Variants in PIK3C2G observed in about 807,000 individuals in gnomAD.
PIK3C2G encodes phosphatidylinositol 3-kinase C2 domain-containing subunit gamma.
PIK3C2G carries 168 observed loss-of-function variants against 181.1 expected under a neutral mutation model. That is an observed-to-expected ratio of 0.93 (90% CI 0.82 to 1.05). PIK3C2G has a LOEUF of 1.05. Among genes scored for constraint, PIK3C2G ranks in the 50% least tolerant of loss-of-function variants. The pLI, the probability that PIK3C2G is intolerant of heterozygous loss-of-function variation, is 0.00. For synonymous variants in PIK3C2G, 573 were observed against 592.2 expected (o/e 0.97, Z 0.47); for missense variants, 1,869 against 1,732.8 (o/e 1.08, Z -1.40).
At chr12:18,408,448 C>A (rs1944663888) in intron 16 of PIK3C2G, among the ~76,000 whole-genome samples, 3 of 152,130 alleles carry the variant, frequency 2.0e-5, no homozygotes, top group Non-Finnish European at 4.4e-5. Context: ...CAGTACCATG[C>A]TGTTTTTATT....
At position 18,540,679 on chromosome 12, in the gene PIK3C2G, CA is replaced by C. The variant is rs974913331; in HGVS notation, c.3480+2374del. 5.9e-5 allele frequency among the ~76,000 whole-genome samples: 9 copies of C among 151,590 alleles called. No individual in the cohort carries two copies. In the East Asian group the frequency reaches 7.8e-4, roughly 13 times the overall value. ...GAAAATTTCTGGAATATAGTATATC[CA>C]AAAAAACTTCTATGCTCTAATTATT... is the stretch of plus-strand genomic sequence containing the variant. On this transcript the variant is annotated intron_variant, in intron 25 of 32. Transcript: ENST00000538779.
At chr12:18,334,829 G>A (rs763991994) in intron 8 of PIK3C2G, among the ~76,000 whole-genome samples, 4 of 151,906 alleles carry the variant, frequency 2.6e-5, no homozygotes, top group Admixed American at 6.6e-5. Context: ...TATTCCCCTC[G>A]TACTCTGGTG....
the PIK3C2G span, among the ~76,000 whole-genome samples, chr12:18,718,199 C>A: frequency 6.6e-6 from 1 of 152,048 alleles, no homozygotes; most frequent in Non-Finnish European, 1.5e-5. Flanking sequence ...TGGGATGTAA[C>A]CACATTGTAA....
chr12:18,650,401 ATTTT>A (rs63132060), downstream of PIK3C2G, among the ~76,000 whole-genome samples: 23,843 of 136,464 alleles, frequency 0.17, 2,563 homozygotes, highest in African/African-American at 0.3. Context: ...ATACACACAC[ATTTT>A]TTTTTTAAGA....
chr12:18,310,062 A>G (rs1950576679), intron 5 of PIK3C2G, among the ~76,000 whole-genome samples: 1 of 151,924 alleles, frequency 6.6e-6, no homozygotes, highest in South Asian at 2.1e-4. Flanking sequence ...AATTTTTAAA[A>G]GATAATTAAT....
At chr12:18,473,144 G>C (rs74381065) in intron 18 of PIK3C2G, among the ~76,000 whole-genome samples, 3,956 of 152,158 alleles carry the variant, frequency 0.026, 188 homozygotes, top group African/African-American at 0.091. Context: ...TTTATCCTGG[G>C]GGTGCATGTT....
In PIK3C2G at chr12:18,503,257, T is replaced by C. The variant is rs774671644; in HGVS notation, c.3017-24T>C. 7.0e-6 allele frequency: 11 copies of C among 1,573,862 alleles called. No homozygotes were observed. The South Asian group carries it at 9.5e-5, about 14-fold the overall frequency. On this transcript the variant is annotated intron_variant, in intron 22 of 32. Coordinates refer to ENST00000538779, the MANE Select transcript of PIK3C2G (RefSeq NM_001288772.2). ...CATCTTGTGATGAAGGAATTGTCTC[T>C]GTAATCTTTTTTTTCTCTACCAGGA...
intron 13 of PIK3C2G, among the ~76,000 whole-genome samples, chr12:18,378,314 T>TCCCCC (rs780076946): frequency 6.9e-6 from 1 of 144,022 alleles, no homozygotes; most frequent in African/African-American, 2.6e-5. Flanking sequence ...CCTCATGAGT[T>TCCCCC]CCCCCCCCCG....
the PIK3C2G span, among the ~76,000 whole-genome samples, chr12:18,702,659 A>C: frequency 0.049 from 7,481 of 152,158 alleles, 629 homozygotes; most frequent in African/African-American, 0.17. Flanking sequence ...TGTATCAAGA[A>C]TATTATCAGA....
chr12:18,342,411 A>G (rs1939228223), intron 9 of PIK3C2G, among the ~76,000 whole-genome samples: 1 of 152,050 alleles, frequency 6.6e-6, no homozygotes, highest in Non-Finnish European at 1.5e-5. Context: ...TTACGGAAAA[A>G]CAATTATTCT....
chr12:18,647,126 C>T (rs1950180321), intron 32 of PIK3C2G, among the ~76,000 whole-genome samples: 1 of 151,324 alleles, frequency 6.6e-6, no homozygotes, highest in South Asian at 2.1e-4. Context: ...CATGTATTTT[C>T]ATAATTAAAA....
chr12:18,550,169 T>C (rs577354825), intron 26 of PIK3C2G, among the ~76,000 whole-genome samples: 1 of 152,172 alleles, frequency 6.6e-6, no homozygotes, highest in Admixed American at 6.6e-5. Context: ...ATGAACAATC[T>C]CTTACAGAGG....
chr12:18,625,757 CT>C (rs1949069329), intron 31 of PIK3C2G, among the ~76,000 whole-genome samples: 2 of 151,928 alleles, frequency 1.3e-5, no homozygotes, highest in East Asian at 3.9e-4. Context: ...GAATTGACCC[CT>C]TTACCATTAT....
chr12:18,479,340 G>A (rs917628338), intron 18 of PIK3C2G, among the ~76,000 whole-genome samples: 4 of 152,108 alleles, frequency 2.6e-5, no homozygotes, highest in Non-Finnish European at 4.4e-5. Flanking sequence ...TGGTATCCAT[G>A]TTAAGACATC....
chr12:18,302,490 G>A (rs1437501113), intron 5 of PIK3C2G, among the ~76,000 whole-genome samples: 1 of 152,164 alleles, frequency 6.6e-6, no homozygotes, highest in Non-Finnish European at 1.5e-5. Flanking sequence ...TGGGTGGGCA[G>A]GGCGATCCTC....
At chr12:18,526,143 C>CA (rs555543028) in intron 24 of PIK3C2G, among the ~76,000 whole-genome samples, 181 of 152,114 alleles carry the variant, frequency 1.2e-3, no homozygotes, top group African/African-American at 4.0e-3. Context: ...TATCTTTTAA[C>CA]AAAAAAACTC....
chr12:18,654,263 T>A, the PIK3C2G span, among the ~76,000 whole-genome samples: 16 of 149,064 alleles, frequency 1.1e-4, no homozygotes, highest in African/African-American at 4.0e-4. Flanking sequence ...ACATTTTAGT[T>A]ATTGCCATTT....
chr12:18,525,830 A>G (rs2136197555), intron 24 of PIK3C2G, among the ~76,000 whole-genome samples: 1 of 152,328 alleles, frequency 6.6e-6, no homozygotes, highest in Non-Finnish European at 1.5e-5. Flanking sequence ...TCAGCAAAAT[A>G]AAAATCAACC....
At chr12:18,507,354 G>T (rs1240864037) in intron 24 of PIK3C2G, among the ~76,000 whole-genome samples, 1 of 152,108 alleles carries the variant, frequency 6.6e-6, no homozygotes, top group African/African-American at 2.4e-5. Context: ...AATGTCCACT[G>T]GGAATGGTCT....
Sources: gnomAD v4.1 joint callset for allele counts (sites outside exome capture counted in the v4.1 genomes callset) on GRCh38, gnomAD v4.1.1 for gene constraint, MANE v1.5 for transcripts, NCBI Gene and HGNC (gene_info 2026-07-23, HGNC 2026-07-21) for gene names.